Variants in FBLIM1 observed in about 807,000 individuals in gnomAD.
The protein encoded by FBLIM1 is filamin-binding LIM protein 1.
Under a neutral mutation model 37.4 loss-of-function variants are expected in FBLIM1, and 29 were observed. The ratio of observed to expected loss-of-function variants is 0.77; its 90% CI spans 0.58 to 1.06. The LOEUF (loss-of-function observed/expected upper bound fraction) is 1.06, where lower values mean the gene tolerates loss of function less well. FBLIM1 is among the 50% of genes least tolerant of loss of function. FBLIM1 has a pLI of 0.00. For missense variants in FBLIM1, 449 were observed against 505.6 expected (o/e 0.89, Z 1.07); for synonymous variants, 193 against 199.0 (o/e 0.97, Z 0.25).
At position 15,774,760 on chromosome 1, in the gene FBLIM1, G is replaced by C; in HGVS notation, c.854G>C (p.Ser285Thr). The change falls in exon 7 of 9, where the codon AGC becomes ACC. Residue 285 changes from serine to threonine, a missense_variant. Physicochemically the swap from Ser to Thr is moderately conservative, Grantham distance 58. Coordinates refer to ENST00000375766, the MANE Select transcript of FBLIM1 (RefSeq NM_017556.4). The part of the protein sequence containing the change: ...CIGDESFALG[S>T]QNEVYCLDDF... ...GGGGATGAGAGCTTTGCCCTGGGCA[G>C]CCAGAACGAGGTGTACTGCCTGGAC... 6.2e-7 allele frequency: 1 copy of C among 1,614,204 alleles called. No individual in the cohort carries two copies. Among genetic ancestry groups the C allele is most frequent in the South Asian group, 1.1e-5 (1 of 91,090 alleles).
chr1:15,759,158 G>T (rs1366557915), intron 1 of FBLIM1, among the ~76,000 whole-genome samples: 4 of 152,136 alleles, frequency 2.6e-5, no homozygotes. Context: ...GGAAGCTCCC[G>T]CACAAAAGGC....
chr1:15,760,220 A>AAAAT (rs1282145464), intron 1 of FBLIM1, among the ~76,000 whole-genome samples: 4 of 150,608 alleles, frequency 2.7e-5, no homozygotes, highest in South Asian at 2.1e-4. Flanking sequence ...ACTCTGTCTC[A>AAAAT]AAATAAATAA....
At chr1:15,766,871 G>T (rs551428941) in intron 3 of FBLIM1, among the ~76,000 whole-genome samples, 1 of 148,782 alleles carries the variant, frequency 6.7e-6, no homozygotes, top group South Asian at 2.1e-4. Flanking sequence ...GGGATTACAG[G>T]TGTGAGCCAC....
Position 15,764,677 on chromosome 1 carries a change from T to G in FBLIM1, c.-29T>G. 1 of 380,074 alleles carries G rather than the reference T, an allele frequency of 2.6e-6. No homozygotes were observed. The highest frequency in any genetic ancestry group is 4.7e-6 in the Non-Finnish European group (1 of 211,802). The allele number at this position is 380,074 out of a possible 1,614,324, so 23.5% of individuals were successfully genotyped here. ...CTCGCGGGTGTGAGACAAGGAAGAG[T>G]GATCATTGGTGAGGGCTGCCCTTTG... On this transcript the variant is annotated 5_prime_UTR_variant, in exon 2 of 9. Coordinates refer to ENST00000375766, the MANE Select transcript of FBLIM1 (RefSeq NM_017556.4).
At chr1:15,768,659 G>A (rs2069047841) in intron 5 of FBLIM1, 29 bp downstream of exon 5, 1 of 1,565,876 alleles carries the variant, frequency 6.4e-7, no homozygotes, top group African/African-American at 1.4e-5. Context: ...GAGGATACTG[G>A]GGTGATCTCA....
chr1:15,758,795 G>C lies in FBLIM1; in HGVS notation c.-264G>C, dbSNP rs1020394211. The C allele has an allele frequency of 5.3e-5, 8 of 151,470 alleles. No homozygotes were observed. Among genetic ancestry groups the C allele is most frequent in the Admixed American group, 4.6e-4 (7 of 15,230 alleles). 9.4% of individuals were successfully genotyped at this position (151,470 alleles called of 1,614,324 possible). ...AGGGGACGGGAGGCCCAGCGGCTCC[G>C]GGCTCCGCTGGCTCGGGCGTCGGAT... On this transcript the variant is annotated 5_prime_UTR_variant, in exon 1 of 9. Transcript: ENST00000375766. This position sits in a 1 kb window ranked among gnomAD's most constrained non-coding sequence, Gnocchi z 6.2.
intron 1 of FBLIM1, among the ~76,000 whole-genome samples, chr1:15,763,079 T>C (rs928891606): frequency 6.8e-6 from 1 of 147,794 alleles, no homozygotes; most frequent in Non-Finnish European, 1.5e-5. Flanking sequence ...TTTTCTTTTT[T>C]TTTTTTTAGA....
chr1:15,777,159 T>C lies in FBLIM1; in HGVS notation c.891-11T>C. ...TGAACGCCTCCCAAGCATGGGTTCC[T>C]TTGCTTCTAGGAAATTCGCCCCCGT... On this transcript the variant is annotated splice_polypyrimidine_tract_variant and intron_variant, in intron 7 of 8. Coordinates refer to ENST00000375766, the MANE Select transcript of FBLIM1 (RefSeq NM_017556.4). 1 of 1,592,358 alleles carries C rather than the reference T, an allele frequency of 6.3e-7. No homozygotes were observed. Among genetic ancestry groups the C allele is most frequent in the Non-Finnish European group, 8.6e-7 (1 of 1,163,942 alleles).
chr1:15,777,853 A>C (rs2069539185), intron 8 of FBLIM1, among the ~76,000 whole-genome samples: 1 of 152,060 alleles, frequency 6.6e-6, no homozygotes, highest in Non-Finnish European at 1.5e-5. Context: ...GATTACAGGC[A>C]TGAGCAACCA....
chr1:15,762,545 G>C (rs944482592), intron 1 of FBLIM1, among the ~76,000 whole-genome samples: 7 of 152,098 alleles, frequency 4.6e-5, no homozygotes, highest in African/African-American at 1.7e-4. Flanking sequence ...ACAGGCATAA[G>C]CCTCCACGCC....
chr1:15,759,372 C>T (rs1457003450), intron 1 of FBLIM1, among the ~76,000 whole-genome samples: 1 of 152,156 alleles, frequency 6.6e-6, no homozygotes, highest in East Asian at 1.9e-4. Context: ...CCGTCGGGGG[C>T]TGAGAAGGTG....
In FBLIM1 at chr1:15,784,943, AC is replaced by A. The variant is rs935706801; in HGVS notation, c.*286del. 1 of 328,666 alleles carries A rather than the reference AC, an allele frequency of 3.0e-6. No individual in the cohort carries two copies. The highest frequency in any genetic ancestry group is 2.1e-5 in the African/African-American group (1 of 48,770). 20.4% of individuals were successfully genotyped at this position (328,666 alleles called of 1,614,324 possible). On this transcript the variant is annotated 3_prime_UTR_variant, in exon 9 of 9. Transcript: ENST00000375766. Reference sequence around the variant, plus strand: ...CCAGGGAAAAGCTGGGGGAGGTTGGACCCCTCTCACTGACTAGCTGTCTGGT... The same window carrying A: ...CCAGGGAAAAGCTGGGGGAGGTTGGACCCTCTCACTGACTAGCTGTCTGGT...
In FBLIM1 at chr1:15,784,577, CACGG is replaced by C. The variant is rs765791095; in HGVS notation, c.1041_1044del (p.Asp348LysfsTer6). 3.7e-6 allele frequency: 6 copies of C among 1,613,950 alleles called. No individual in the cohort carries two copies. The highest frequency in any genetic ancestry group is 5.1e-6 in the Non-Finnish European group (6 of 1,179,942). Reference sequence around the variant, plus strand: ...GCAGGATCCTCCTGTCTGTCGAGCCCACGGACCAAGGCTGCTACCCCCTGAACAA... The same window carrying C: ...GCAGGATCCTCCTGTCTGTCGAGCCCACCAAGGCTGCTACCCCCTGAACAA... On this transcript the variant is annotated frameshift_variant, in exon 9 of 9. Coordinates refer to ENST00000375766, the MANE Select transcript of FBLIM1 (RefSeq NM_017556.4). LOFTEE classifies it high-confidence loss of function.
At chr1:15,772,680 G>A (rs12140611) in intron 6 of FBLIM1, among the ~76,000 whole-genome samples, 63,250 of 151,948 alleles carry the variant, frequency 0.42, 13,656 homozygotes, top group East Asian at 0.74. Context: ...CCAGCCAGGC[G>A]CGGTGGCTCA....
chr1:15,784,845 A>C lies in FBLIM1; in HGVS notation c.*184A>C. The C allele has an allele frequency of 2.0e-6, 1 of 488,948 alleles. No homozygotes were observed. Among genetic ancestry groups the C allele is most frequent in the East Asian group, 3.1e-5 (1 of 32,568 alleles). 30.3% of individuals were successfully genotyped at this position (488,948 alleles called of 1,614,324 possible). A position where few individuals can be genotyped will look rare whatever the true frequency, so the allele number is the denominator to read the frequency against. On this transcript the variant is annotated 3_prime_UTR_variant, in exon 9 of 9. Coordinates refer to ENST00000375766, the MANE Select transcript of FBLIM1 (RefSeq NM_017556.4). ...GCACCCCCAGGCCTTCCACTCCTCT[A>C]CCCTCTGGGCACCAGAAGGCTCCTG...
intron 3 of FBLIM1, among the ~76,000 whole-genome samples, chr1:15,766,668 C>G (rs2068939403): frequency 6.6e-6 from 1 of 151,716 alleles, no homozygotes; most frequent in African/African-American, 2.4e-5. Flanking sequence ...AATCTCAGCT[C>G]ACTGCAACCT....
upstream of FBLIM1, chr1:15,758,417 C>T (rs1470369892): frequency 6.6e-6 from 1 of 152,240 alleles, no homozygotes; most frequent in Non-Finnish European, 1.5e-5. The surrounding 1 kb of genome is among the most constrained non-coding windows in gnomAD (Gnocchi z 6.2). Flanking sequence ...CACTCGGGGT[C>T]CATGAAGAAC....
At chr1:15,783,731 C>T (rs147500944) in intron 8 of FBLIM1, among the ~76,000 whole-genome samples, 1,024 of 151,780 alleles carry the variant, frequency 6.7e-3, no homozygotes, top group Non-Finnish European at 0.012. Context: ...TACAGGCGCC[C>T]GCCACCACGC....
chr1:15,778,047 G>C (rs1466694437), intron 8 of FBLIM1, among the ~76,000 whole-genome samples: 3 of 152,224 alleles, frequency 2.0e-5, no homozygotes. Context: ...CTCCAGGGAA[G>C]CCAGACAGTC....
Sources: gnomAD v4.1 joint callset for allele counts (sites outside exome capture counted in the v4.1 genomes callset) on GRCh38, gnomAD v4.1.1 for gene constraint, Gnocchi (gnomAD v3.1) non-coding constraint, MANE v1.5 for transcripts, NCBI Gene and HGNC (gene_info 2026-07-23, HGNC 2026-07-21) for gene names.